ABCA8: variants seen among roughly 807,000 people sequenced by gnomAD.
ABCA8 encodes the protein ABC-type organic anion transporter ABCA8.
A neutral mutation model predicts 192.3 loss-of-function variants in ABCA8; 177 were observed. The observed-to-expected ratio is 0.92, with a 90% CI of 0.81 to 1.04. ABCA8 has a LOEUF of 1.04. Ranked by LOEUF, ABCA8 falls within the 50% of genes least tolerant of loss-of-function variation. The pLI is 0.00. For synonymous variants in ABCA8, 642 were observed against 690.2 expected, an observed-to-expected ratio of 0.93 and a Z score of 1.09; for missense variants, 1,915 against 1,904.8, an observed-to-expected ratio of 1.01 and a Z score of -0.10.
At chr17:68,893,825 C>T (rs1298123233) in intron 23 of ABCA8, among the ~76,000 whole-genome samples, 4 of 146,944 alleles carry the variant, frequency 2.7e-5, no homozygotes, top group Non-Finnish European at 4.5e-5. Context: ...CATGCTGGTG[C>T]GCTGCACCCA....
chr17:68,868,468 A>C (rs1053320897), intron 38 of ABCA8, 112 bp from the exon 39 acceptor site: 20 of 854,292 alleles, frequency 2.3e-5, no homozygotes, highest in Non-Finnish European at 2.9e-5. Flanking sequence ...GGTTAAGGTA[A>C]TATTCATTCA....
At chr17:68,937,319 A>C (rs543250328) in intron 4 of ABCA8, among the ~76,000 whole-genome samples, 1 of 152,272 alleles carries the variant, frequency 6.6e-6, no homozygotes, top group South Asian at 2.1e-4. Context: ...AATACATGAA[A>C]ATTAGTTATT....
chr17:68,921,671 T>G (rs1418814697), intron 12 of ABCA8, among the ~76,000 whole-genome samples, 179 bp from the exon 13 acceptor site: 2 of 152,222 alleles, frequency 1.3e-5, no homozygotes, highest in African/African-American at 4.8e-5. Flanking sequence ...AAAAGTTCCC[T>G]CTATAAACTT....
intron 21 of ABCA8, among the ~76,000 whole-genome samples, chr17:68,895,402 A>T (rs4968970): frequency 6.6e-6 from 1 of 151,994 alleles, no homozygotes; most frequent in Non-Finnish European, 1.5e-5. Context: ...GGAAGACAAC[A>T]TGTAGACTAG....
chr17:68,887,925 T>TATATATATATATATATTATATATGGATA, intron 24 of ABCA8, among the ~76,000 whole-genome samples: 4 of 101,018 alleles, frequency 4.0e-5, no homozygotes, highest in African/African-American at 4.0e-5. Context: ...TATATATATA[T>TATATATATATATATATTATATATGGATA]TATATATGGA....
chr17:68,922,214 T>C lies in ABCA8; in HGVS notation c.1501+28A>G, dbSNP rs759294909. 3.6e-4 allele frequency: 33 copies of C among 91,708 alleles called. 5 individuals carry two copies. The highest frequency in any genetic ancestry group is 2.6e-3 in the South Asian group (5 of 1,906). 5.7% of individuals were successfully genotyped at this position (91,708 alleles called of 1,614,324 possible). A position where few individuals can be genotyped will look rare whatever the true frequency, so the allele number is the denominator to read the frequency against. On this transcript the variant is annotated intron_variant, in intron 12 of 39. Transcript: ENST00000586539. ...TCTCTCTTTTTTTTTTTTTTTTTTTTTTTTTTTTTTTTTTTTTTTTTTTTT... is the reference window on the plus strand; with the variant it reads ...TCTCTCTTTTTTTTTTTTTTTTTTTCTTTTTTTTTTTTTTTTTTTTTTTTT...
chr17:68,900,441 A>C (rs1303887099), intron 21 of ABCA8, among the ~76,000 whole-genome samples: 1 of 151,782 alleles, frequency 6.6e-6, no homozygotes, highest in Non-Finnish European at 1.5e-5. Context: ...CAAATTGCTA[A>C]TTACAAAACT....
chr17:68,893,221 A>T (rs1397777712), intron 23 of ABCA8, among the ~76,000 whole-genome samples: 7 of 152,224 alleles, frequency 4.6e-5, no homozygotes, highest in Non-Finnish European at 1.0e-4. Flanking sequence ...ATAAAGTGTT[A>T]AAAATACATG....
At chr17:68,914,905 A>G (rs1158813482) in intron 17 of ABCA8, among the ~76,000 whole-genome samples, 1 of 152,066 alleles carries the variant, frequency 6.6e-6, no homozygotes, top group African/African-American at 2.4e-5. Flanking sequence ...CTAGAGTTGT[A>G]ATAACCAAAA....
chr17:68,934,155 AT>A (rs2067988581), intron 5 of ABCA8, among the ~76,000 whole-genome samples: 1 of 152,116 alleles, frequency 6.6e-6, no homozygotes, highest in African/African-American at 2.4e-5. Flanking sequence ...CCATATTATG[AT>A]TTTGAAATGT....
chr17:68,918,245 C>T, intron 15 of ABCA8, 60 bp from the exon 16 acceptor site: 1 of 1,596,306 alleles, frequency 6.3e-7, no homozygotes. Flanking sequence ...TTCCAGAAAA[C>T]AACGCAAAAA....
rs1398152072 is a variant in ABCA8, at chr17:68,929,135, T to C, written c.1039A>G (p.Thr347Ala). ...GCAGGAAGGTGTCTGTACAGTGATG[T>C]GAACCCCAGACACCCCCAAAAGACA... ...LTVFWGCLGF[T>A]SLYRHLPASL... Residue 347 changes from threonine (T) to alanine (A), a missense_variant, in exon 9 of 40, where the codon ACA (threonine) becomes GCA (alanine). By Grantham distance (58) the Thr-to-Ala change is moderately conservative. Transcript: ENST00000586539. 6.2e-7 allele frequency: 1 copy of C among 1,612,044 alleles called. No homozygotes were observed. Among genetic ancestry groups the C allele is most frequent in the East Asian group, 2.2e-5 (1 of 44,830 alleles).
chr17:68,893,200 A>T (rs1185484920), intron 23 of ABCA8, among the ~76,000 whole-genome samples: 2 of 152,216 alleles, frequency 1.3e-5, no homozygotes, highest in Non-Finnish European at 2.9e-5. Flanking sequence ...TTTCCTACGT[A>T]CAAGGTATTT....
intron 4 of ABCA8, among the ~76,000 whole-genome samples, chr17:68,939,979 A>C (rs1428698226): frequency 4.6e-5 from 7 of 152,078 alleles, no homozygotes; most frequent in Non-Finnish European, 1.0e-4. Context: ...CACTCCAGAC[A>C]CATATGTATC....
In ABCA8 at chr17:68,869,719, A is replaced by G. The variant is rs1430882135; in HGVS notation, c.4692T>C (p.Ala1564=). 2 of 1,612,336 alleles carry G rather than the reference A, an allele frequency of 1.2e-6. No individual in the cohort carries two copies. The highest frequency in any genetic ancestry group is 1.7e-6 in the Non-Finnish European group (2 of 1,178,604). Residue 1564 remains alanine (A), a synonymous_variant, in exon 38 of 40, where the codon GCT becomes GCC. Coordinates refer to ENST00000586539, the MANE Select transcript of ABCA8 (RefSeq NM_001288985.2). ...PVEDVQPLAQ[A]FFKLEKVKQS... Reference sequence around the variant, plus strand: ...TCTTACCCTTCTCTAATTTGAAGAAAGCTTGGGCTAAAGGTTGCACATCTT... The same window carrying G: ...TCTTACCCTTCTCTAATTTGAAGAAGGCTTGGGCTAAAGGTTGCACATCTT...
intron 8 of ABCA8, among the ~76,000 whole-genome samples, 156 bp from the exon 9 acceptor site, chr17:68,929,390 C>T (rs1421329453): frequency 6.6e-6 from 1 of 152,028 alleles, no homozygotes; most frequent in African/African-American, 2.4e-5. Flanking sequence ...CTGCAAATTG[C>T]ACTAAAAATT....
chr17:68,939,158 A>G (rs2068156293), intron 4 of ABCA8, among the ~76,000 whole-genome samples: 1 of 152,170 alleles, frequency 6.6e-6, no homozygotes, highest in South Asian at 2.1e-4. Context: ...TATACTCACT[A>G]TAGCACTAAT....
intron 2 of ABCA8, among the ~76,000 whole-genome samples, chr17:68,944,359 T>TATATATGTATATATACAC (rs765731645): frequency 1.4e-5 from 1 of 69,464 alleles, no homozygotes; most frequent in Non-Finnish European, 2.9e-5. Flanking sequence ...TATATATATA[T>TATATATGTATATATACAC]ACACATATAC....
chr17:68,902,666 G>A (rs2066944080), intron 21 of ABCA8, 47 bp downstream of exon 21: 2 of 1,523,296 alleles, frequency 1.3e-6, no homozygotes, highest in Non-Finnish European at 1.8e-6. Context: ...TCTAAGTACT[G>A]CTCTGAACAG....
Sources: gnomAD v4.1 joint callset for allele counts (sites outside exome capture counted in the v4.1 genomes callset) on GRCh38, gnomAD v4.1.1 for gene constraint, MANE v1.5 for transcripts, NCBI Gene and HGNC (gene_info 2026-07-23, HGNC 2026-07-21) for gene names.